DLGAP1: variants seen among roughly 807,000 people sequenced by gnomAD.
DLGAP1 encodes disks large-associated protein 1.
A neutral mutation model predicts 90.8 loss-of-function variants in DLGAP1; 11 were observed. The ratio of observed to expected loss-of-function variants is 0.12; its 90% confidence interval spans 0.08 to 0.20. The LOEUF is 0.20. Among genes scored for constraint, DLGAP1 ranks in the 10% least tolerant of loss-of-function variants. The pLI, the probability that DLGAP1 is intolerant of heterozygous loss-of-function variation, is 1.00. For missense variants in DLGAP1, 1,050 were observed against 1,333.8 expected (o/e 0.79, Z 3.31); for synonymous variants, 558 against 540.7 (o/e 1.03, Z -0.44).
At chr18:4,195,275 CTTTT>C (rs770010017) in intron 1 of DLGAP1, among the ~76,000 whole-genome samples, 1 of 149,386 alleles carries the variant, frequency 6.7e-6, no homozygotes, top group African/African-American at 2.5e-5. Context: ...AGACTTTGAA[CTTTT>C]TTTTTTAACT....
rs1310690913 is a variant in DLGAP1, at chr18:3,565,953, G to A, written c.2057+1537C>T. Among the ~76,000 whole-genome samples, 2 of 152,116 alleles carry A rather than the reference G, an allele frequency of 1.3e-5. No homozygotes were observed. Among genetic ancestry groups the A allele is most frequent in the Non-Finnish European group, 2.9e-5 (2 of 68,044 alleles). ...TTGTACGTATTACATTTCAGTCCTT[G>A]TCCATCTGCATGAACACTATGCGTG... On this transcript the variant is annotated intron_variant, in intron 9 of 12. Transcript: ENST00000315677. This position sits in a 1 kb window ranked among gnomAD's most constrained non-coding sequence, Gnocchi z 4.0.
At position 3,682,104 on chromosome 18, in the gene DLGAP1, G is replaced by A. The variant is rs1318136262; in HGVS notation, c.1591+47031C>T. 2.1e-5 allele frequency among the ~76,000 whole-genome samples: 3 copies of A among 142,704 alleles called. No individual in the cohort carries two copies. In the East Asian group the frequency reaches 6.0e-4, roughly 28 times the overall value. 93.6% of individuals were successfully genotyped at this position (142,704 alleles called of 152,430 possible). On this transcript the variant is annotated intron_variant, in intron 7 of 12. Transcript: ENST00000315677. ...CTGCACTCCAGCCTGGGTGACAGGCGAGACCCTGTCTCAAAAAAAAAAAAA... is the reference window on the plus strand; with the variant it reads ...CTGCACTCCAGCCTGGGTGACAGGCAAGACCCTGTCTCAAAAAAAAAAAAA...
At chr18:4,315,484 A>G (rs1224243201) in intron 1 of DLGAP1, among the ~76,000 whole-genome samples, 3 of 152,222 alleles carry the variant, frequency 2.0e-5, no homozygotes, top group Non-Finnish European at 4.4e-5. Context: ...ATATTGACTT[A>G]TATAACTTTC....
intron 1 of DLGAP1, among the ~76,000 whole-genome samples, chr18:4,170,742 CCTTA>C (rs1176454669): frequency 6.6e-6 from 1 of 152,172 alleles, no homozygotes; most frequent in East Asian, 1.9e-4. Flanking sequence ...ATAATAATAA[CCTTA>C]CTTATTTAAA....
chr18:3,514,543 T>C (rs2050720643), intron 10 of DLGAP1, among the ~76,000 whole-genome samples: 1 of 152,210 alleles, frequency 6.6e-6, no homozygotes, highest in African/African-American at 2.4e-5. Flanking sequence ...TTCATTTTAG[T>C]CTAACTTTCT....
At chr18:4,059,601 C>T (rs2075271163) in intron 2 of DLGAP1, among the ~76,000 whole-genome samples, 1 of 152,068 alleles carries the variant, frequency 6.6e-6, no homozygotes, top group Non-Finnish European at 1.5e-5. Flanking sequence ...ATCCCAGCTA[C>T]TCGGGAGGCT....
At chr18:3,916,011 G>A (rs1276278097) in intron 3 of DLGAP1, among the ~76,000 whole-genome samples, 1 of 152,170 alleles carries the variant, frequency 6.6e-6, no homozygotes, top group Non-Finnish European at 1.5e-5. Context: ...GAAAAGGACA[G>A]TGTAGAAGCA....
intron 3 of DLGAP1, among the ~76,000 whole-genome samples, chr18:3,981,627 AAG>A (rs1045603568): frequency 1.1e-4 from 16 of 152,236 alleles, no homozygotes; most frequent in Non-Finnish European, 2.2e-4. Flanking sequence ...AATCAAGAGA[AAG>A]AGTAGACTAG....
At chr18:3,825,073 G>A (rs757675288) in intron 4 of DLGAP1, among the ~76,000 whole-genome samples, 8 of 152,168 alleles carry the variant, frequency 5.3e-5, no homozygotes, top group Non-Finnish European at 1.0e-4. Flanking sequence ...AATGAACAGA[G>A]GATGTCCCAC....
chr18:4,136,778 T>C (rs767938645), intron 2 of DLGAP1, among the ~76,000 whole-genome samples: 45 of 152,188 alleles, frequency 3.0e-4, no homozygotes, highest in Non-Finnish European at 5.3e-4. Context: ...TTTGGTTACC[T>C]GTATTTGTGG....
chr18:4,356,232 GACCCATTCCCTTGGTAA>G (rs2081512943), intron 1 of DLGAP1, among the ~76,000 whole-genome samples: 1 of 151,572 alleles, frequency 6.6e-6, no homozygotes, highest in African/African-American at 2.4e-5. Context: ...TTTTCCCAGA[GACCCATTCCCTTGGTAA>G]ACTCATCCCG....
chr18:3,626,641 C>T (rs1385435860), intron 7 of DLGAP1, among the ~76,000 whole-genome samples: 2 of 150,634 alleles, frequency 1.3e-5, no homozygotes, highest in Non-Finnish European at 3.0e-5. Flanking sequence ...TGTGGTAGCT[C>T]ATGCCTATCA....
intron 1 of DLGAP1, among the ~76,000 whole-genome samples, chr18:4,280,172 A>T (rs2079516120): frequency 6.6e-6 from 1 of 152,212 alleles, no homozygotes; most frequent in Non-Finnish European, 1.5e-5. Context: ...TAAGTTGATT[A>T]AAAAAATGTA....
intron 10 of DLGAP1, among the ~76,000 whole-genome samples, chr18:3,528,743 C>T (rs988579382): frequency 1.3e-5 from 2 of 152,198 alleles, no homozygotes; most frequent in South Asian, 4.1e-4. Flanking sequence ...TCTCCCTGAT[C>T]TGGATTGGCC....
Position 3,824,889 on chromosome 18 carries a change from C to T in DLGAP1, c.958-10616G>A, listed in dbSNP as rs183020294. Among the ~76,000 whole-genome samples the T allele has an allele frequency of 1.6e-4, 24 of 152,318 alleles. No individual in the cohort carries two copies. The East Asian group carries it at 2.1e-3, about 13-fold the overall frequency. Reference sequence around the variant, plus strand: ...CTAATGCAATGAAACCGTCAAACCACATGCATCTAGTTCTTGAGATCGGGA... The same window carrying T: ...CTAATGCAATGAAACCGTCAAACCATATGCATCTAGTTCTTGAGATCGGGA... On this transcript the variant is annotated intron_variant, in intron 4 of 12. Transcript: ENST00000315677.
intron 3 of DLGAP1, among the ~76,000 whole-genome samples, chr18:3,945,719 A>G (rs2072863512): frequency 6.6e-6 from 1 of 152,214 alleles, no homozygotes; most frequent in African/African-American, 2.4e-5. Flanking sequence ...CCAGCATGGC[A>G]CATGTATACA....
chr18:3,909,439 T>C (rs2071984667), intron 3 of DLGAP1, among the ~76,000 whole-genome samples: 1 of 152,188 alleles, frequency 6.6e-6, no homozygotes, highest in Non-Finnish European at 1.5e-5. Flanking sequence ...AATTTGTAAG[T>C]CTCAAGCTGT....
intron 1 of DLGAP1, among the ~76,000 whole-genome samples, chr18:4,400,970 A>T (rs185480030): frequency 2.0e-3 from 302 of 152,282 alleles, no homozygotes; most frequent in Non-Finnish European, 3.5e-3. Context: ...TTATTTTCAC[A>T]CTCAAACACA....
chr18:3,964,271 T>C (rs909531312), intron 3 of DLGAP1, among the ~76,000 whole-genome samples: 9 of 152,184 alleles, frequency 5.9e-5, no homozygotes, highest in African/African-American at 2.2e-4. Context: ...GGGATCTATT[T>C]ATCATTAGTG....
Sources: allele counts gnomAD v4.1 joint callset (sites outside exome capture counted in the v4.1 genomes callset), GRCh38; gene constraint gnomAD v4.1.1; non-coding constraint Gnocchi (gnomAD v3.1); transcripts MANE v1.5; gene names NCBI Gene and HGNC (gene_info 2026-07-23, HGNC 2026-07-21).